Variants in GRID2 observed in about 807,000 individuals in gnomAD.
GRID2 encodes glutamate ionotropic receptor delta type subunit 2, also known as glutamate receptor ionotropic, delta-2.
GRID2 carries 33 observed loss-of-function variants against 114.8 expected under a neutral mutation model. The observed-to-expected ratio is 0.29, with a 90% confidence interval of 0.22 to 0.38. GRID2 has a LOEUF of 0.38. Ranked by LOEUF, GRID2 falls within the 10% of genes least tolerant of loss-of-function variation. The pLI, the probability that GRID2 is intolerant of heterozygous loss-of-function variation, is 1.00. For missense variants in GRID2, 1,184 were observed against 1,257.7 expected (o/e 0.94, Z 0.89); for synonymous variants, 505 against 449.9 (o/e 1.12, Z -1.55).
intron 1 of GRID2, among the ~76,000 whole-genome samples, chr4:93,796,474 G>C (rs925191175): frequency 6.6e-6 from 1 of 152,128 alleles, no homozygotes; most frequent in African/African-American, 2.4e-5. Context: ...AGTCTCTGGA[G>C]CAGTAATACT....
At chr4:92,424,639 A>G (rs1371999632) in intron 1 of GRID2, among the ~76,000 whole-genome samples, 1 of 151,954 alleles carries the variant, frequency 6.6e-6, no homozygotes, top group African/African-American at 2.4e-5. Flanking sequence ...CAGTGTAATG[A>G]ATATGAGAAA....
At chr4:93,757,905 C>T (rs529900935) in intron 14 of GRID2, among the ~76,000 whole-genome samples, 3 of 152,050 alleles carry the variant, frequency 2.0e-5, no homozygotes, top group South Asian at 4.2e-4. Flanking sequence ...TGCAGTGAGC[C>T]GAGATCGCAC....
chr4:92,733,085 T>C (rs1450556659), intron 2 of GRID2, among the ~76,000 whole-genome samples: 1 of 149,706 alleles, frequency 6.7e-6, no homozygotes, highest in Non-Finnish European at 1.5e-5. Context: ...TCTTCATGTC[T>C]TCCTCTCTCT....
chr4:92,702,556 C>G (rs1734735014), intron 2 of GRID2: 1 of 152,076 alleles, frequency 6.6e-6, no homozygotes, highest in African/African-American at 2.4e-5. Context: ...ACCCTTTACA[C>G]TATTGCTCCA....
intron 5 of GRID2, among the ~76,000 whole-genome samples, chr4:93,216,097 A>T (rs1420642348): frequency 6.6e-6 from 1 of 152,082 alleles, no homozygotes; most frequent in Non-Finnish European, 1.5e-5. Context: ...CTCTCATCTC[A>T]TCCTGATTCA....
intron 2 of GRID2, among the ~76,000 whole-genome samples, chr4:92,787,625 A>C (rs1422986897): frequency 6.6e-6 from 1 of 151,914 alleles, no homozygotes; most frequent in Non-Finnish European, 1.5e-5. Context: ...AGTTAACTGT[A>C]AGTGTTTTAG....
intron 1 of GRID2, among the ~76,000 whole-genome samples, chr4:92,453,654 C>T (rs536122281): frequency 3.3e-5 from 5 of 152,128 alleles, no homozygotes; most frequent in South Asian, 4.2e-4. Flanking sequence ...TAAAAAGATG[C>T]GTAATATTAC....
At chr4:93,372,197 A>C (rs536259579) in intron 8 of GRID2, among the ~76,000 whole-genome samples, 1 of 152,342 alleles carries the variant, frequency 6.6e-6, no homozygotes, top group Non-Finnish European at 1.5e-5. Context: ...TACATATCAA[A>C]TATTAAGTAT....
chr4:92,414,790 T>C (rs1333991629), intron 1 of GRID2, among the ~76,000 whole-genome samples: 3 of 152,162 alleles, frequency 2.0e-5, no homozygotes, highest in Non-Finnish European at 4.4e-5. Context: ...TAACATTAAA[T>C]TTATTGTTTA....
chr4:93,300,677 C>T (rs1214019371), intron 8 of GRID2, among the ~76,000 whole-genome samples: 4 of 152,130 alleles, frequency 2.6e-5, no homozygotes, highest in Admixed American at 6.5e-5. Flanking sequence ...CAGGACGAGC[C>T]GCAGACAAAA....
intron 1 of GRID2, among the ~76,000 whole-genome samples, chr4:92,482,645 G>C (rs976522156): frequency 6.6e-6 from 1 of 151,990 alleles, no homozygotes; most frequent in African/African-American, 2.4e-5. Flanking sequence ...CAGAATATGA[G>C]CCTATTTGTT....
intron 1 of GRID2, among the ~76,000 whole-genome samples, chr4:92,515,026 A>G (rs1724436049): frequency 6.6e-6 from 1 of 151,906 alleles, no homozygotes; most frequent in Non-Finnish European, 1.5e-5. Flanking sequence ...ATTCTCCACA[A>G]TTGCCCTCAA....
At chr4:93,288,110 G>A (rs563444225) in intron 8 of GRID2, among the ~76,000 whole-genome samples, 2 of 151,984 alleles carry the variant, frequency 1.3e-5, no homozygotes, top group African/African-American at 4.8e-5. Flanking sequence ...ATATAGATTT[G>A]CTGTCTTTTC....
chr4:93,295,426 C>G (rs1490846193), intron 8 of GRID2, among the ~76,000 whole-genome samples: 26 of 152,072 alleles, frequency 1.7e-4, no homozygotes, highest in Admixed American at 1.7e-3. Flanking sequence ...ACCAGAGAAA[C>G]AGAAGTAGTA....
At chr4:92,594,387 G>A (rs1728850675) in intron 2 of GRID2, among the ~76,000 whole-genome samples, 1 of 151,696 alleles carries the variant, frequency 6.6e-6, no homozygotes, top group African/African-American at 2.4e-5. Flanking sequence ...TTCCTCATTT[G>A]TAAAAAATGA....
chr4:93,219,349 T>C (rs927518037), intron 6 of GRID2, among the ~76,000 whole-genome samples: 1 of 152,144 alleles, frequency 6.6e-6, no homozygotes, highest in African/African-American at 2.4e-5. Flanking sequence ...TCAATATCTG[T>C]GAACAAATAT....
chr4:92,500,497 A>G (rs990612846), intron 1 of GRID2, among the ~76,000 whole-genome samples: 26 of 152,184 alleles, frequency 1.7e-4, no homozygotes, highest in African/African-American at 6.0e-4. Flanking sequence ...TTGTTTATTC[A>G]GGCTGGCATC....
chr4:93,091,703 AACTT>A (rs1730805889), intron 3 of GRID2, among the ~76,000 whole-genome samples: 1 of 152,122 alleles, frequency 6.6e-6, no homozygotes, highest in Non-Finnish European at 1.5e-5. Flanking sequence ...ATTTTTATAA[AACTT>A]ACAGAGACTG....
chr4:92,559,684 A>G (rs974339143), intron 1 of GRID2, among the ~76,000 whole-genome samples: 1 of 152,214 alleles, frequency 6.6e-6, no homozygotes, highest in Non-Finnish European at 1.5e-5. Context: ...AAATTCAAAT[A>G]TCACCACATA....
Sources: allele counts gnomAD v4.1 joint callset (sites outside exome capture counted in the v4.1 genomes callset), GRCh38; gene constraint gnomAD v4.1.1; transcripts MANE v1.5; gene names NCBI Gene and HGNC (gene_info 2026-07-23, HGNC 2026-07-21).